The following RANBP2 variants were observed in gnomAD, a reference collection of about 807,000 sequenced individuals.
RANBP2 encodes RAN binding protein 2.
A neutral mutation model predicts 303.6 loss-of-function variants in RANBP2; 57 were observed. The ratio of observed to expected loss-of-function variants is 0.19; its 90% confidence interval spans 0.15 to 0.23. The LOEUF (loss-of-function observed/expected upper bound fraction) is 0.23, where lower values mean the gene tolerates loss of function less well. RANBP2 is among the 10% of genes least tolerant of loss of function. The probability of loss-of-function intolerance (pLI) is 1.00; values close to 1 mark genes in which losing one functional copy is unlikely to be tolerated. For synonymous variants in RANBP2, 1,167 were observed against 1,301.5 expected, an observed-to-expected ratio of 0.90 and a Z score of 2.23; for missense variants, 3,138 against 3,780.8, an observed-to-expected ratio of 0.83 and a Z score of 4.46.
At chr2:109,626,245 C>G in the RANBP2 span, among the ~76,000 whole-genome samples, 3 of 151,492 alleles carry the variant, frequency 2.0e-5, no homozygotes, top group Admixed American at 6.6e-5. Context: ...TTTGAGAGGC[C>G]GAGGTGGGTG....
the RANBP2 span, among the ~76,000 whole-genome samples, chr2:109,682,700 G>A: frequency 6.6e-5 from 10 of 152,254 alleles, no homozygotes; most frequent in South Asian, 1.0e-3. Flanking sequence ...AACTGTTTGG[G>A]AGGTCGAGGC....
At chr2:109,267,034 T>C in the RANBP2 span, among the ~76,000 whole-genome samples, 1 of 152,046 alleles carries the variant, frequency 6.6e-6, no homozygotes, top group Non-Finnish European at 1.5e-5. Flanking sequence ...CAGACAGAGG[T>C]GGATAAAAGC....
the RANBP2 span, among the ~76,000 whole-genome samples, chr2:108,900,962 C>T: frequency 6.6e-6 from 1 of 152,098 alleles, no homozygotes; most frequent in Non-Finnish European, 1.5e-5. Flanking sequence ...CTTTAACATT[C>T]CTCCCTCAGT....
At chr2:108,727,212 G>T (rs1046273216) in intron 1 of RANBP2, among the ~76,000 whole-genome samples, 2 of 152,130 alleles carry the variant, frequency 1.3e-5, no homozygotes, top group Non-Finnish European at 2.9e-5. Context: ...AGGGGCGGCC[G>T]GGCAGAGGCG....
chr2:109,107,915 T>C, the RANBP2 span, among the ~76,000 whole-genome samples: 1 of 150,932 alleles, frequency 6.6e-6, no homozygotes, highest in African/African-American at 2.4e-5. Flanking sequence ...TTTGTATATA[T>C]ATTTTTTTGA....
At chr2:109,105,884 C>T in the RANBP2 span, among the ~76,000 whole-genome samples, 74 of 127,886 alleles carry the variant, frequency 5.8e-4, no homozygotes, top group African/African-American at 2.1e-3. Context: ...AATGGAATCA[C>T]GCTCTGTCGC....
the RANBP2 span, among the ~76,000 whole-genome samples, chr2:109,521,883 T>G: frequency 6.6e-6 from 1 of 152,066 alleles, no homozygotes; most frequent in Non-Finnish European, 1.5e-5. Flanking sequence ...TAATTGAAGC[T>G]GAGTCTTTGA....
the RANBP2 span, among the ~76,000 whole-genome samples, chr2:109,726,476 GC>G: frequency 6.6e-6 from 1 of 151,944 alleles, no homozygotes; most frequent in African/African-American, 2.4e-5. Context: ...AGGTGATGAT[GC>G]CCCCTCCAGG....
At chr2:108,920,392 GC>G in the RANBP2 span, among the ~76,000 whole-genome samples, 7 of 152,188 alleles carry the variant, frequency 4.6e-5, no homozygotes, top group Non-Finnish European at 1.0e-4. Context: ...TGACCTCCCT[GC>G]CCCCACTGTC....
intron 25 of RANBP2, 52 bp downstream of exon 25, chr2:108,777,283 A>G (rs1677955092): frequency 6.6e-7 from 1 of 1,520,576 alleles, no homozygotes; most frequent in African/African-American, 1.4e-5. Flanking sequence ...ATCAAGCACA[A>G]CTGAAAAACT....
chr2:109,646,657 A>AT, the RANBP2 span, among the ~76,000 whole-genome samples: 1,509 of 119,004 alleles, frequency 0.013, 22 homozygotes, highest in African/African-American at 0.034. Context: ...ATGACTGGCT[A>AT]TTTTTTTTTT....
chr2:109,447,454 T>C, the RANBP2 span, among the ~76,000 whole-genome samples: 1 of 152,214 alleles, frequency 6.6e-6, no homozygotes, highest in Admixed American at 6.5e-5. Context: ...ATGTATTTTC[T>C]TTCATGCTCT....
the RANBP2 span, among the ~76,000 whole-genome samples, chr2:109,205,729 C>T: frequency 2.0e-5 from 3 of 152,222 alleles, no homozygotes; most frequent in East Asian, 1.9e-4. Context: ...GTGCACTTTG[C>T]TCACTGGCAG....
At chr2:109,547,009 C>G in the RANBP2 span, among the ~76,000 whole-genome samples, 211 of 152,312 alleles carry the variant, frequency 1.4e-3, no homozygotes, top group African/African-American at 4.9e-3. Flanking sequence ...TCCCTTTAGG[C>G]GCCTAAAGGC....
In RANBP2 at chr2:108,767,746, T is replaced by A. The variant is rs1198374414; in HGVS notation, c.7207T>A (p.Leu2403Met). ...TATGAAAGGGACAGAAAGAGTATGG[T>A]TGTGGACTGCATGTGATTTTGCAGA... Reference protein sequence around the residue: ...QNMKGTERVWLWTACDFADGE... With the variant: ...QNMKGTERVWMWTACDFADGE... The change falls in exon 20 of 29, where the codon TTG becomes ATG. Residue 2403 changes from leucine (L) to methionine (M), a missense_variant. By Grantham distance (15) the Leu-to-Met change is conservative. Around this residue, in one of 20 missense-constraint regions of RANBP2, gnomAD observed 92 missense variants for 211.0 expected, o/e 0.44. Transcript: ENST00000283195. 1 of 1,611,920 alleles carries A rather than the reference T, an allele frequency of 6.2e-7. No homozygotes were observed. Among genetic ancestry groups the A allele is most frequent in the Admixed American group, 1.7e-5 (1 of 60,012 alleles).
the RANBP2 span, among the ~76,000 whole-genome samples, chr2:109,485,611 G>A: frequency 6.6e-6 from 1 of 152,226 alleles, no homozygotes; most frequent in Non-Finnish European, 1.5e-5. Flanking sequence ...TGTATAGAGT[G>A]TAGTATGAAT....
the RANBP2 span, among the ~76,000 whole-genome samples, chr2:109,112,949 T>C: frequency 7.9e-5 from 12 of 152,318 alleles, no homozygotes; most frequent in Admixed American, 3.9e-4. Context: ...GTTGTAGATA[T>C]GCAGCGTTAT....
chr2:109,570,918 G>A, the RANBP2 span, among the ~76,000 whole-genome samples: 2 of 152,308 alleles, frequency 1.3e-5, no homozygotes, highest in African/African-American at 2.4e-5. Context: ...TAACCATGGC[G>A]ACATGGTTTG....
At chr2:109,613,878 G>C in the RANBP2 span, 1 of 1,230,256 alleles carries the variant, frequency 8.1e-7, no homozygotes, top group Non-Finnish European at 1.0e-6. Context: ...GGCCCCGAGC[G>C]GCTGGTCCCG....
Sources: gnomAD v4.1 joint callset for allele counts (sites outside exome capture counted in the v4.1 genomes callset) on GRCh38, gnomAD v4.1.1 for gene constraint, gnomAD v4.1.1 regional missense constraint, MANE v1.5 for transcripts, NCBI Gene and HGNC (gene_info 2026-07-23, HGNC 2026-07-21) for gene names.